AIMP1: variants seen among roughly 807,000 people sequenced by gnomAD.
AIMP1 encodes the protein aminoacyl tRNA synthase complex-interacting multifunctional protein 1.
AIMP1 carries 24 observed loss-of-function variants against 33.1 expected under a neutral mutation model. That is an observed-to-expected ratio of 0.73 (90% CI 0.53 to 1.02). The LOEUF (loss-of-function observed/expected upper bound fraction) is 1.02. Ranked by LOEUF, AIMP1 falls within the 50% of genes least tolerant of loss-of-function variation. AIMP1 has a pLI of 0.00. For synonymous variants in AIMP1, 120 were observed against 121.5 expected, an observed-to-expected ratio of 0.99 and a Z score of 0.08; for missense variants, 367 against 364.8, an observed-to-expected ratio of 1.01 and a Z score of -0.05.
chr4:106,331,696 A>G lies in AIMP1; in HGVS notation c.416A>G (p.Gln139Arg). Residue 139 changes from glutamine to arginine, a missense_variant, in exon 5 of 7, where the codon CAA becomes CGA. Coordinates refer to ENST00000672341, the MANE Select transcript of AIMP1 (RefSeq NM_001142416.2). ...GGAGAGAAGAAGGAGAAAAAACAGC[A>G]ATCAATAGCTGGAAGTGCCGACTCT... ...KKGEKKEKKQ[Q>R]SIAGSADSKP... 4 of 1,614,106 alleles carry G rather than the reference A, an allele frequency of 2.5e-6. No homozygotes were observed. Among genetic ancestry groups the G allele is most frequent in the Non-Finnish European group, 3.4e-6 (4 of 1,179,966 alleles).
chr4:106,331,552 G>T, intron 4 of AIMP1, 120 bp from the exon 5 acceptor site: 1 of 808,906 alleles, frequency 1.2e-6, no homozygotes, highest in Non-Finnish European at 2.1e-6. Flanking sequence ...GAAGGTAGGA[G>T]ATAAACATTC....
At chr4:106,319,880 G>T (rs1044615205) in intron 1 of AIMP1, among the ~76,000 whole-genome samples, 16 of 152,158 alleles carry the variant, frequency 1.1e-4, no homozygotes, top group South Asian at 2.1e-4. Context: ...ATCCTTTAGA[G>T]AAATTATAGC....
At chr4:106,322,012 G>C (rs188876127) in intron 1 of AIMP1, among the ~76,000 whole-genome samples, 1 of 148,768 alleles carries the variant, frequency 6.7e-6, no homozygotes, top group Non-Finnish European at 1.5e-5. Flanking sequence ...TCTCTGAAAC[G>C]TGCTGTGTCC....
At chr4:106,347,335 G>A (rs1171246392) in intron 6 of AIMP1, among the ~76,000 whole-genome samples, 191 bp from the exon 7 acceptor site, 1 of 151,694 alleles carries the variant, frequency 6.6e-6, no homozygotes, top group Non-Finnish European at 1.5e-5. Flanking sequence ...AAACAACAAC[G>A]ATTTTATTTT....
intron 1 of AIMP1, among the ~76,000 whole-genome samples, chr4:106,322,824 A>G (rs1769313288): frequency 6.6e-6 from 1 of 152,050 alleles, no homozygotes; most frequent in Admixed American, 6.5e-5. Flanking sequence ...CCCCATCTCT[A>G]CTAAAAATTC....
In AIMP1 at chr4:106,349,001, AC is replaced by A. The variant is rs1300379433; in HGVS notation, c.*1310del. On this transcript the variant is annotated 3_prime_UTR_variant, in exon 7 of 7. Transcript: ENST00000672341. ...TCACACAAAACTCAACAACCATAAAACAACCCTGCATGTTATAAAAGGCAGA... is the reference window on the plus strand; with the variant it reads ...TCACACAAAACTCAACAACCATAAAAAACCCTGCATGTTATAAAAGGCAGA... 6.6e-6 allele frequency: 1 copy of A among 152,062 alleles called. No homozygotes were observed. Among genetic ancestry groups the A allele is most frequent in the Non-Finnish European group, 1.5e-5 (1 of 68,014 alleles). The allele number at this position is 152,062 out of a possible 1,614,324, so 9.4% of individuals were successfully genotyped here.
intron 6 of AIMP1, among the ~76,000 whole-genome samples, chr4:106,341,085 C>T (rs1258569504): frequency 6.6e-6 from 1 of 152,034 alleles, no homozygotes; most frequent in Admixed American, 6.6e-5. Context: ...GTTCTTTGTC[C>T]ATGTTTTAAT....
chr4:106,318,270 T>G (rs1179853452), intron 1 of AIMP1, among the ~76,000 whole-genome samples: 1 of 152,232 alleles, frequency 6.6e-6, no homozygotes, highest in African/African-American at 2.4e-5. Flanking sequence ...AGATGCATTG[T>G]TCTCAGTGTA....
rs1257581360 is a variant in AIMP1 at position 106,327,539 on chromosome 4, A to C, written c.198A>C (p.Leu66=). The change falls in exon 3 of 7, where the codon CTA becomes CTC. Residue 66 remains leucine (L), a synonymous_variant. Coordinates refer to ENST00000672341, the MANE Select transcript of AIMP1 (RefSeq NM_001142416.2). ...AAATTGAAGAACTGAAACAAGAGCT[A>C]ATTCAGGCAGAAATTCAAAATGGAG... is the stretch of plus-strand genomic sequence containing the variant. The part of the protein sequence containing the change: ...KKEIEELKQE[L]IQAEIQNGVK... 1 of 1,612,228 alleles carries C rather than the reference A, an allele frequency of 6.2e-7. No homozygotes were observed.
chr4:106,336,030 CTTTTTTTTTTTTTTTTTTT>C (rs34219049), intron 5 of AIMP1, among the ~76,000 whole-genome samples: 1 of 59,390 alleles, frequency 1.7e-5, no homozygotes, highest in Admixed American at 2.2e-4. Context: ...GTTAAATGAT[CTTTTTTTTTTTTTTTTTTT>C]TTTTTTTTTT....
intron 6 of AIMP1, among the ~76,000 whole-genome samples, chr4:106,344,570 CTGCTTT>C (rs893889029): frequency 2.0e-5 from 3 of 152,182 alleles, no homozygotes; most frequent in African/African-American, 7.2e-5. Flanking sequence ...ACTTATCATC[CTGCTTT>C]TGCCCTCCCT....
In AIMP1 at chr4:106,347,627, C is replaced by T; in HGVS notation, c.874C>T (p.Pro292Ser). 6.2e-7 allele frequency: 1 copy of T among 1,613,220 alleles called. No homozygotes were observed. The highest frequency in any genetic ancestry group is 2.2e-5 in the East Asian group (1 of 44,794). Residue 292 changes from proline to serine, a missense_variant, in exon 7 of 7, where the codon CCC (proline) becomes TCC (serine). Pro to Ser is a moderately conservative substitution (Grantham distance 74). Transcript: ENST00000672341. ...GTGTGTGGCTACATACAAAGGAGTT[C>T]CCTTTGAGGTGAAAGGGAAGGGAGT... ...DECVATYKGV[P>S]FEVKGKGVCR...
chr4:106,322,983 CAA>C (rs201904801), intron 1 of AIMP1, among the ~76,000 whole-genome samples: 43 of 95,786 alleles, frequency 4.5e-4, no homozygotes, highest in Non-Finnish European at 3.4e-4. Flanking sequence ...GACTCTGTCT[CAA>C]AAAAAAAAAA....
chr4:106,324,424 T>A (rs1769382948), intron 1 of AIMP1, among the ~76,000 whole-genome samples: 2 of 152,038 alleles, frequency 1.3e-5, no homozygotes, highest in Admixed American at 1.3e-4. Flanking sequence ...AAACTAAAAT[T>A]CTAATTTTTA....
intron 4 of AIMP1, among the ~76,000 whole-genome samples, chr4:106,329,595 TAATTTAAATAATTTTAAATTTA>T (rs896285907): frequency 6.6e-6 from 1 of 152,118 alleles, no homozygotes; most frequent in Non-Finnish European, 1.5e-5. Flanking sequence ...ACTGAATTTC[TAATTTAAATAATTTTAAATTTA>T]AATTTAAATA....
chr4:106,316,426 G>A, upstream of AIMP1: 1 of 984,390 alleles, frequency 1.0e-6, no homozygotes, highest in Non-Finnish European at 1.6e-6. Flanking sequence ...AGGTTAATGG[G>A]ACTGAGCACA....
chr4:106,320,871 C>T (rs558670185), intron 1 of AIMP1, among the ~76,000 whole-genome samples: 137 of 152,236 alleles, frequency 9.0e-4, no homozygotes, highest in African/African-American at 3.2e-3. Context: ...CTCAGTCTGC[C>T]GAGTTCCTGG....
chr4:106,327,841 G>A (rs988237538), intron 3 of AIMP1, among the ~76,000 whole-genome samples: 6 of 152,120 alleles, frequency 3.9e-5, no homozygotes, highest in South Asian at 4.2e-4. Context: ...CAGGTTTCTC[G>A]GTTTAGTAAT....
Position 106,331,967 on chromosome 4 carries a change from T to A in AIMP1, c.603+84T>A. The A allele has an allele frequency of 3.1e-6, 4 of 1,285,166 alleles. No individual in the cohort carries two copies. The South Asian group carries it at 4.8e-5, about 15-fold the overall frequency. 79.6% of individuals were successfully genotyped at this position (1,285,166 alleles called of 1,614,324 possible). A position where few individuals can be genotyped will look rare whatever the true frequency, so the allele number is the denominator to read the frequency against. On this transcript the variant is annotated intron_variant, in intron 5 of 6. Transcript: ENST00000672341. The stretch of plus-strand genomic sequence containing the variant: ...TTGGTATCTTTCCATTATAATTTTG[T>A]ATACCATACAACATGTGCCCTTGTT...
Sources: allele counts gnomAD v4.1 joint callset (sites outside exome capture counted in the v4.1 genomes callset), GRCh38; gene constraint gnomAD v4.1.1; transcripts MANE v1.5; gene names NCBI Gene and HGNC (gene_info 2026-07-23, HGNC 2026-07-21).